The following CACNA1D variants were observed in gnomAD, a reference collection of about 807,000 sequenced individuals.
CACNA1D encodes calcium voltage-gated channel subunit alpha1 D, also known as voltage-dependent L-type calcium channel subunit alpha-1D.
A neutral mutation model predicts 257.1 loss-of-function variants in CACNA1D; 55 were observed. The ratio of observed to expected loss-of-function variants is 0.21; its 90% CI spans 0.17 to 0.27. The LOEUF (loss-of-function observed/expected upper bound fraction) is 0.27, where lower values mean the gene tolerates loss of function less well. CACNA1D is among the 10% of genes least tolerant of loss of function. CACNA1D has a pLI of 1.00. For missense variants in CACNA1D, 1,876 were observed against 2,784.0 expected (o/e 0.67, Z 7.34); for synonymous variants, 980 against 1,014.9 (o/e 0.97, Z 0.65).
At position 53,673,847 on chromosome 3, in the gene CACNA1D, C is replaced by T. The variant is rs1374250425; in HGVS notation, c.1220+721C>T. 1.4e-6 allele frequency: 2 copies of T among 1,407,408 alleles called. No individual in the cohort carries two copies. The highest frequency in any genetic ancestry group is 2.0e-6 in the Non-Finnish European group (2 of 991,320). 87.2% of individuals were successfully genotyped at this position (1,407,408 alleles called of 1,614,324 possible). On this transcript the variant is annotated intron_variant, in intron 8 of 47. Coordinates refer to ENST00000350061, the MANE Select transcript of CACNA1D (RefSeq NM_001128840.3). The surrounding 1 kb of genome is among the most constrained non-coding windows in gnomAD (Gnocchi z 4.1). ...CAGTCGGATCCGTGTTGCACCTTCT[C>T]CTGCTGCCACGTGTGAGGCAACTCT...
chr3:53,689,121 A>G (rs2094497608), intron 8 of CACNA1D, among the ~76,000 whole-genome samples: 1 of 152,188 alleles, frequency 6.6e-6, no homozygotes, highest in Admixed American at 6.5e-5. Flanking sequence ...GGCAAGTCAG[A>G]GGGCCTCACC....
At chr3:53,726,453 C>CG (rs34337122) in intron 14 of CACNA1D, among the ~76,000 whole-genome samples, 133,807 of 152,096 alleles carry the variant, frequency 0.88, 58,982 homozygotes, top group East Asian at 1. Flanking sequence ...GCCTGGCCAA[C>CG]TGCTGTAACA....
chr3:53,511,537 G>A (rs1348051272), intron 3 of CACNA1D, among the ~76,000 whole-genome samples: 1 of 152,048 alleles, frequency 6.6e-6, no homozygotes, highest in Non-Finnish European at 1.5e-5. Context: ...CTTTTGTCGG[G>A]GTCAGAAATG....
At chr3:53,709,802 CATTGCTTTT>C (rs1464065479) in intron 9 of CACNA1D, among the ~76,000 whole-genome samples, 3 of 152,194 alleles carry the variant, frequency 2.0e-5, no homozygotes, top group Non-Finnish European at 4.4e-5. Flanking sequence ...AAGCTGGGCA[CATTGCTTTT>C]ATTACTGTCT....
At chr3:53,614,487 G>A (rs905206938) in intron 3 of CACNA1D, among the ~76,000 whole-genome samples, 10 of 152,214 alleles carry the variant, frequency 6.6e-5, no homozygotes, top group African/African-American at 2.2e-4. Context: ...TTGTCCACAG[G>A]CACTGTAGGA....
intron 3 of CACNA1D, among the ~76,000 whole-genome samples, chr3:53,592,119 T>C (rs1559887337): frequency 6.6e-6 from 1 of 152,214 alleles, no homozygotes; most frequent in Non-Finnish European, 1.5e-5. Context: ...TAGGCAGGGC[T>C]CCTGTTCTGG....
At chr3:53,752,518 G>A (rs2095234559) in intron 28 of CACNA1D, among the ~76,000 whole-genome samples, 1 of 152,162 alleles carries the variant, frequency 6.6e-6, no homozygotes, top group African/African-American at 2.4e-5. Flanking sequence ...TCATGCCTCA[G>A]CATTCTGAGT....
intron 3 of CACNA1D, among the ~76,000 whole-genome samples, chr3:53,560,386 A>C (rs56021416): frequency 0.51 from 77,396 of 152,044 alleles, 19,969 homozygotes; most frequent in Middle Eastern, 0.57. Context: ...TGGAGCCTCT[A>C]TATTAGTCTG....
At chr3:53,707,005 G>A (rs943578039) in intron 9 of CACNA1D, among the ~76,000 whole-genome samples, 1 of 152,118 alleles carries the variant, frequency 6.6e-6, no homozygotes, top group African/African-American at 2.4e-5. Flanking sequence ...CTGAAGTATT[G>A]ATGGAAAACA....
At chr3:53,697,958 A>G (rs1245776397) in intron 8 of CACNA1D, among the ~76,000 whole-genome samples, 1 of 152,098 alleles carries the variant, frequency 6.6e-6, no homozygotes, top group African/African-American at 2.4e-5. Context: ...TTTAATGGGG[A>G]ATGTTATTAG....
chr3:53,687,518 TAA>T (rs11297779), intron 8 of CACNA1D, among the ~76,000 whole-genome samples: 1,499 of 147,962 alleles, frequency 0.01, 19 homozygotes, highest in African/African-American at 0.033. Flanking sequence ...TCTTTTTAGT[TAA>T]AAAAAAAAAA....
chr3:53,768,786 C>T (rs2095349473), intron 30 of CACNA1D, among the ~76,000 whole-genome samples: 1 of 152,118 alleles, frequency 6.6e-6, no homozygotes, highest in Admixed American at 6.5e-5. Flanking sequence ...GGAGGTAGCC[C>T]TTGATGCTAG....
intron 2 of CACNA1D, among the ~76,000 whole-genome samples, 166 bp from the exon 3 acceptor site, chr3:53,501,449 T>A (rs1223496190): frequency 6.6e-6 from 1 of 152,190 alleles, no homozygotes; most frequent in Non-Finnish European, 1.5e-5. Flanking sequence ...TGACCACCGA[T>A]GATTACTTCT....
chr3:53,731,403 C>T (rs1267168822), intron 17 of CACNA1D, among the ~76,000 whole-genome samples: 2 of 152,168 alleles, frequency 1.3e-5, no homozygotes, highest in African/African-American at 4.8e-5. Context: ...CTTATGTTTT[C>T]TTTATTGGAA....
intron 9 of CACNA1D, among the ~76,000 whole-genome samples, chr3:53,713,956 C>T (rs1033841111): frequency 1.3e-5 from 2 of 152,134 alleles, no homozygotes; most frequent in African/African-American, 4.8e-5. Flanking sequence ...GAGCTCTTCC[C>T]AGAGATCCCA....
intron 3 of CACNA1D, among the ~76,000 whole-genome samples, chr3:53,636,623 T>C (rs144419205): frequency 0.012 from 1,853 of 152,354 alleles, 40 homozygotes; most frequent in African/African-American, 0.042. Context: ...CTATATACTC[T>C]TATATTCTGA....
At chr3:53,575,294 T>A (rs1341535486) in intron 3 of CACNA1D, among the ~76,000 whole-genome samples, 1 of 151,364 alleles carries the variant, frequency 6.6e-6, no homozygotes, top group Non-Finnish European at 1.5e-5. Context: ...CAGGGGAGAG[T>A]TCAGAGAGGC....
intron 32 of CACNA1D, among the ~76,000 whole-genome samples, chr3:53,771,006 C>T (rs1487473925): frequency 2.0e-5 from 3 of 152,310 alleles, no homozygotes; most frequent in African/African-American, 7.2e-5. Flanking sequence ...TGCACTATCA[C>T]TGGGTTATCC....
chr3:53,587,259 T>G (rs936288003), intron 3 of CACNA1D, among the ~76,000 whole-genome samples: 7 of 152,120 alleles, frequency 4.6e-5, no homozygotes, highest in African/African-American at 1.7e-4. Flanking sequence ...TGCTGTAGAC[T>G]CTGGGGTGAC....
Sources: allele counts gnomAD v4.1 joint callset (sites outside exome capture counted in the v4.1 genomes callset), GRCh38; gene constraint gnomAD v4.1.1; non-coding constraint Gnocchi (gnomAD v3.1); transcripts MANE v1.5; gene names NCBI Gene and HGNC (gene_info 2026-07-23, HGNC 2026-07-21).